Variants in FRK observed in about 807,000 individuals in gnomAD.
The protein encoded by FRK is tyrosine-protein kinase FRK.
Under a neutral mutation model 56.4 loss-of-function variants are expected in FRK, and 51 were observed. The observed-to-expected ratio is 0.90, with a 90% CI of 0.72 to 1.14. FRK has a LOEUF of 1.14. Among genes scored for constraint, FRK ranks in the 50% most tolerant of loss-of-function variants. The pLI, the probability that FRK is intolerant of heterozygous loss-of-function variation, is 0.00. For synonymous variants in FRK, 245 were observed against 217.9 expected, an observed-to-expected ratio of 1.12 and a Z score of -1.10; for missense variants, 570 against 601.4, an observed-to-expected ratio of 0.95 and a Z score of 0.55.
At chr6:116,003,533 G>A (rs1233766532) in intron 2 of FRK, among the ~76,000 whole-genome samples, 1 of 152,136 alleles carries the variant, frequency 6.6e-6, no homozygotes, top group East Asian at 1.9e-4. Flanking sequence ...AAATTATATT[G>A]TAGCATGATA....
intron 1 of FRK, among the ~76,000 whole-genome samples, chr6:116,008,041 G>A (rs1285197683): frequency 1.3e-5 from 2 of 152,070 alleles, no homozygotes; most frequent in African/African-American, 2.4e-5. Flanking sequence ...AGCAGATTAA[G>A]TTCTCCAGAA....
Position 115,933,255 on chromosome 6 carries a change from C to G in FRK, c.*9159G>C, listed in dbSNP as rs968258141. On this transcript the variant is annotated 3_prime_UTR_variant, in exon 8 of 8. Transcript: ENST00000606080. ...ATCCCTCACCACCATCTCCAAATAACTGAATTACATAAATAAAACATTATA... is the reference window on the plus strand; with the variant it reads ...ATCCCTCACCACCATCTCCAAATAAGTGAATTACATAAATAAAACATTATA... 1 of 152,144 alleles carries G rather than the reference C, an allele frequency of 6.6e-6. No homozygotes were observed. The highest frequency in any genetic ancestry group is 6.5e-5 in the Admixed American group (1 of 15,274). 9.4% of individuals were successfully genotyped at this position (152,144 alleles called of 1,614,324 possible).
chr6:115,980,608 C>G (rs987868910), intron 2 of FRK, among the ~76,000 whole-genome samples: 1 of 152,106 alleles, frequency 6.6e-6, no homozygotes, highest in African/African-American at 2.4e-5. Flanking sequence ...TAAAGTTATA[C>G]TGCCTTTAAA....
rs544833896 is a variant in FRK at position 116,051,341 on chromosome 6, G to A, written c.344+8627C>T. On this transcript the variant is annotated intron_variant, in intron 1 of 7. Transcript: ENST00000606080. ...TGCACCATCTGAATATTAAAAATAC[G>A]TTAATAAAAACATTAAAGAATCTGA... Among the ~76,000 whole-genome samples, 10 of 152,038 alleles carry A rather than the reference G, an allele frequency of 6.6e-5. No individual in the cohort carries two copies. In the East Asian group the frequency reaches 7.7e-4, roughly 12 times the overall value.
At chr6:116,018,589 A>T (rs1403320414) in intron 1 of FRK, among the ~76,000 whole-genome samples, 1 of 152,244 alleles carries the variant, frequency 6.6e-6, no homozygotes. Flanking sequence ...TCATAAGAGG[A>T]TATACTCTAA....
chr6:116,091,802 G>T, the FRK span, among the ~76,000 whole-genome samples: 36 of 152,278 alleles, frequency 2.4e-4, no homozygotes, highest in African/African-American at 7.7e-4. Context: ...GGTTTGCCTG[G>T]AACCAGCTTC....
In FRK at chr6:115,967,632, A is replaced by G. The variant is rs139499013; in HGVS notation, c.718T>C (p.Leu240=). 6.3e-5 allele frequency: 102 copies of G among 1,613,800 alleles called. No individual in the cohort carries two copies. In the African/African-American group the frequency reaches 9.3e-4, roughly 15 times the overall value. ...DRNSIQLLKR[L]GSGQFGEVWE... ...ACTTCGCCAAACTGACCAGATCCCA[A>G]TCGCTTCAGAAGCTGTATGGAGTTG... is the stretch of plus-strand genomic sequence containing the variant. The change falls in exon 4 of 8, where the codon TTG becomes CTG. Residue 240 remains leucine (L), a synonymous_variant. Transcript: ENST00000606080.
At chr6:115,996,696 G>A (rs902759721) in intron 2 of FRK, among the ~76,000 whole-genome samples, 8 of 152,108 alleles carry the variant, frequency 5.3e-5, no homozygotes, top group Non-Finnish European at 1.0e-4. Flanking sequence ...TGTGGCTACT[G>A]ATTTTACAAA....
In FRK at chr6:116,044,544, T is replaced by TA. The variant is rs989768572; in HGVS notation, c.344+15423dup. ...AATAAAATTCAACACCCCTTCATGCTAAAAAATCACAATAAATTAGGTATT... is the reference window on the plus strand; with the variant it reads ...AATAAAATTCAACACCCCTTCATGCTAAAAAAATCACAATAAATTAGGTATT... On this transcript the variant is annotated intron_variant, in intron 1 of 7. Coordinates refer to ENST00000606080, the MANE Select transcript of FRK (RefSeq NM_002031.3). Among the ~76,000 whole-genome samples, 201 of 152,286 alleles carry TA rather than the reference T, an allele frequency of 1.3e-3. 1 individual carries two copies. Among genetic ancestry groups the TA allele is most frequent in the African/African-American group, 4.7e-3 (196 of 41,570 alleles).
chr6:116,045,890 C>T (rs1776934717), intron 1 of FRK, among the ~76,000 whole-genome samples: 2 of 152,016 alleles, frequency 1.3e-5, no homozygotes, highest in African/African-American at 4.8e-5. Flanking sequence ...TGCAATCTAT[C>T]CATCTGACAA....
chr6:116,061,758 G>C (rs1362101454), upstream of FRK, among the ~76,000 whole-genome samples: 1 of 152,102 alleles, frequency 6.6e-6, no homozygotes, highest in Non-Finnish European at 1.5e-5. Flanking sequence ...ACTTGTTTAT[G>C]AAGTGTCACT....
intron 2 of FRK, among the ~76,000 whole-genome samples, chr6:115,980,536 A>G (rs1582674690): frequency 1.3e-5 from 2 of 152,254 alleles, no homozygotes; most frequent in East Asian, 3.9e-4. Context: ...CATGAAAATA[A>G]TTGTGTTAGA....
intron 2 of FRK, among the ~76,000 whole-genome samples, chr6:116,003,060 G>A (rs933948791): frequency 6.6e-6 from 1 of 152,116 alleles, no homozygotes; most frequent in African/African-American, 2.4e-5. Flanking sequence ...TTTATTGCAG[G>A]GAAACAGGAA....
At chr6:116,020,206 A>T (rs1438591790) in intron 1 of FRK, among the ~76,000 whole-genome samples, 1 of 152,204 alleles carries the variant, frequency 6.6e-6, no homozygotes. Context: ...CCATAAAAAA[A>T]TTTATAAAAG....
intron 4 of FRK, among the ~76,000 whole-genome samples, chr6:115,959,859 C>T (rs1400739328): frequency 2.0e-5 from 3 of 152,038 alleles, no homozygotes; most frequent in East Asian, 1.9e-4. Context: ...TATCTTATAT[C>T]GAATTTGACA....
chr6:116,082,881 A>C, the FRK span, among the ~76,000 whole-genome samples: 1 of 152,190 alleles, frequency 6.6e-6, no homozygotes, highest in Non-Finnish European at 1.5e-5. Context: ...TCATCAGATC[A>C]GATTTAAAGA....
At chr6:116,047,895 T>C (rs1777038896) in intron 1 of FRK, among the ~76,000 whole-genome samples, 1 of 152,254 alleles carries the variant, frequency 6.6e-6, no homozygotes, top group South Asian at 2.1e-4. Flanking sequence ...AAGCCCGTGA[T>C]TTGGCAAAGC....
chr6:115,989,132 A>G (rs1774497290), intron 2 of FRK, among the ~76,000 whole-genome samples: 1 of 151,904 alleles, frequency 6.6e-6, no homozygotes, highest in African/African-American at 2.4e-5. Context: ...AATATTATCC[A>G]TATTGGATTT....
At position 115,967,728 on chromosome 6, in the gene FRK, T is replaced by G; in HGVS notation, c.631-9A>C. The G allele has an allele frequency of 6.5e-7, 1 of 1,549,600 alleles. No homozygotes were observed. The highest frequency in any genetic ancestry group is 8.7e-7 in the Non-Finnish European group (1 of 1,148,438). On this transcript the variant is annotated splice_polypyrimidine_tract_variant and intron_variant, in intron 3 of 7. Coordinates refer to ENST00000606080, the MANE Select transcript of FRK (RefSeq NM_002031.3). ...GGAGCTGGGACCTGGATCTGTTTCATAGAATAATAAGAGCAATTGTTAAAA... is the reference window on the plus strand; with the variant it reads ...GGAGCTGGGACCTGGATCTGTTTCAGAGAATAATAAGAGCAATTGTTAAAA...
Sources: allele counts gnomAD v4.1 joint callset (sites outside exome capture counted in the v4.1 genomes callset), GRCh38; gene constraint gnomAD v4.1.1; transcripts MANE v1.5; gene names NCBI Gene and HGNC (gene_info 2026-07-23, HGNC 2026-07-21).